The following ROR1 variants were observed in gnomAD, a reference collection of about 807,000 sequenced individuals.
The protein encoded by ROR1 is inactive tyrosine-protein kinase transmembrane receptor ROR1.
In ROR1, 19 loss-of-function variants were observed where a neutral mutation model predicts 78.8. The ratio of observed to expected loss-of-function variants is 0.24; its 90% CI spans 0.17 to 0.35. The LOEUF (loss-of-function observed/expected upper bound fraction) is 0.35, where lower values mean the gene tolerates loss of function less well. ROR1 is among the 10% of genes least tolerant of loss of function. The pLI, the probability that ROR1 is intolerant of heterozygous loss-of-function variation, is 1.00. For missense variants in ROR1, 917 were observed against 1,177.8 expected (o/e 0.78, Z 3.24); for synonymous variants, 386 against 433.6 (o/e 0.89, Z 1.36).
At chr1:63,961,327 GT>G (rs1646025913) in intron 1 of ROR1, among the ~76,000 whole-genome samples, 1 of 152,118 alleles carries the variant, frequency 6.6e-6, no homozygotes, top group African/African-American at 2.4e-5. Flanking sequence ...CAATAATCCT[GT>G]TACTGGGTAC....
chr1:64,128,480 A>C (rs1648797029), intron 4 of ROR1, among the ~76,000 whole-genome samples: 1 of 151,886 alleles, frequency 6.6e-6, no homozygotes, highest in African/African-American at 2.4e-5. Flanking sequence ...AAAAATAAAG[A>C]AAAATGCATG....
At chr1:64,014,750 A>ATG (rs2100549238) in intron 2 of ROR1, among the ~76,000 whole-genome samples, 18 of 28,970 alleles carry the variant, frequency 6.2e-4, no homozygotes, top group Non-Finnish European at 1.6e-3. Flanking sequence ...CTATATATAT[A>ATG]TATATATATA....
At chr1:64,011,169 T>C (rs1336673494) in intron 2 of ROR1, among the ~76,000 whole-genome samples, 4 of 152,220 alleles carry the variant, frequency 2.6e-5, no homozygotes, top group Non-Finnish European at 5.9e-5. Flanking sequence ...TAGAATATTT[T>C]TTCTATTGCC....
chr1:64,018,594 C>T (rs1186682020), intron 2 of ROR1, among the ~76,000 whole-genome samples: 1 of 152,064 alleles, frequency 6.6e-6, no homozygotes, highest in African/African-American at 2.4e-5. Context: ...TGAAGATCTT[C>T]GTCATTTCAA....
intron 4 of ROR1, among the ~76,000 whole-genome samples, chr1:64,070,551 C>T (rs1646995294): frequency 6.6e-6 from 1 of 152,110 alleles, no homozygotes; most frequent in African/African-American, 2.4e-5. Flanking sequence ...AATTCCTTGC[C>T]TCAAACCATC....
chr1:64,165,579 G>C (rs1359441078), intron 8 of ROR1, among the ~76,000 whole-genome samples: 1 of 151,574 alleles, frequency 6.6e-6, no homozygotes, highest in Non-Finnish European at 1.5e-5. Flanking sequence ...GATCCCATTT[G>C]TCAATTTTTG....
At chr1:64,062,547 G>A (rs948743537) in intron 4 of ROR1, among the ~76,000 whole-genome samples, 5 of 152,040 alleles carry the variant, frequency 3.3e-5, no homozygotes, top group South Asian at 2.1e-4. Flanking sequence ...TCCTGACCTC[G>A]TAATCTGCCC....
chr1:63,775,716 AAC>A (rs920597475), intron 1 of ROR1, among the ~76,000 whole-genome samples: 2 of 152,230 alleles, frequency 1.3e-5, no homozygotes, highest in Non-Finnish European at 1.5e-5. Flanking sequence ...CTTGGTAGAA[AAC>A]ACACTCTGGA....
chr1:63,814,030 C>T (rs1181355691), intron 1 of ROR1, among the ~76,000 whole-genome samples: 1 of 152,154 alleles, frequency 6.6e-6, no homozygotes, highest in African/African-American at 2.4e-5. Flanking sequence ...TATTATTTTG[C>T]ATGCTGTTTT....
chr1:63,949,462 A>C (rs1261367414), intron 1 of ROR1, among the ~76,000 whole-genome samples: 1 of 152,148 alleles, frequency 6.6e-6, no homozygotes, highest in East Asian at 1.9e-4. Flanking sequence ...TAGAAACCTG[A>C]ACTTATTTCA....
chr1:64,070,484 AT>A (rs988846595), intron 4 of ROR1, among the ~76,000 whole-genome samples: 3 of 151,590 alleles, frequency 2.0e-5, no homozygotes, highest in African/African-American at 4.8e-5. Context: ...CCCAGTTAAA[AT>A]TTTTTTTTAT....
At chr1:63,964,036 A>G (rs1434780310) in intron 1 of ROR1, among the ~76,000 whole-genome samples, 1 of 152,224 alleles carries the variant, frequency 6.6e-6, no homozygotes, top group Non-Finnish European at 1.5e-5. Flanking sequence ...AGCTGAGCCT[A>G]GTCCTAACTG....
intron 8 of ROR1, among the ~76,000 whole-genome samples, chr1:64,174,106 C>T (rs1053463866): frequency 1.3e-5 from 2 of 152,154 alleles, no homozygotes; most frequent in African/African-American, 4.8e-5. Context: ...TCCTGGATGA[C>T]TTTCCTAATA....
chr1:63,883,351 CA>C (rs1427283619), intron 1 of ROR1, among the ~76,000 whole-genome samples: 2 of 151,094 alleles, frequency 1.3e-5, no homozygotes, highest in Non-Finnish European at 2.9e-5. Context: ...GCTGTGATGA[CA>C]GTGGAGCCTT....
chr1:63,900,637 C>T (rs950085307), intron 1 of ROR1, among the ~76,000 whole-genome samples: 1 of 151,924 alleles, frequency 6.6e-6, no homozygotes, highest in Admixed American at 6.6e-5. Flanking sequence ...ATTTTTCTTA[C>T]ATTAAAATAT....
intron 1 of ROR1, among the ~76,000 whole-genome samples, chr1:63,919,624 G>T (rs1235453911): frequency 6.6e-6 from 1 of 151,944 alleles, no homozygotes; most frequent in African/African-American, 2.4e-5. Flanking sequence ...TTTGGAAGAC[G>T]AGATATTGGT....
At chr1:63,860,744 G>A in intron 1 of ROR1, among the ~76,000 whole-genome samples, 1 of 148,536 alleles carries the variant, frequency 6.7e-6, no homozygotes, top group Non-Finnish European at 1.5e-5. Flanking sequence ...ACTCCAGCCT[G>A]GGCAACAGAG....
intron 8 of ROR1, among the ~76,000 whole-genome samples, chr1:64,163,929 C>T (rs1650015515): frequency 6.6e-6 from 1 of 152,254 alleles, no homozygotes; most frequent in African/African-American, 2.4e-5. Flanking sequence ...TTAACATGGG[C>T]CTCTTGGGAA....
Position 64,140,389 on chromosome 1 carries a change from C to T in ROR1, c.891C>T (p.Ile297=). Residue 297 remains isoleucine, a synonymous_variant, in exon 6 of 9, where the codon ATC becomes ATT. Transcript: ENST00000371079. The part of the protein sequence containing the change: ...QPESPEAANC[I]RIGIPMADPI... ...AGAGCCCAGAAGCTGCGAACTGTAT[C>T]CGGATTGGAATTCCCATGGCAGATC... 2 of 1,614,126 alleles carry T rather than the reference C, an allele frequency of 1.2e-6. No homozygotes were observed. The highest frequency in any genetic ancestry group is 2.2e-5 in the East Asian group (1 of 44,876).
Sources: gnomAD v4.1 joint callset for allele counts (sites outside exome capture counted in the v4.1 genomes callset) on GRCh38, gnomAD v4.1.1 for gene constraint, MANE v1.5 for transcripts, NCBI Gene and HGNC (gene_info 2026-07-23, HGNC 2026-07-21) for gene names.